Variants in POU1F1 observed in about 807,000 individuals in gnomAD.
POU1F1 encodes pituitary-specific positive transcription factor 1.
POU1F1 carries 23 observed loss-of-function variants against 32.3 expected under a neutral mutation model. The observed-to-expected ratio is 0.71, with a 90% CI of 0.51 to 1.01. POU1F1 has a LOEUF of 1.01. Ranked by LOEUF, POU1F1 falls within the 50% of genes least tolerant of loss-of-function variation. The pLI is 0.00. For missense variants in POU1F1, 323 were observed against 341.6 expected (o/e 0.95, Z 0.43); for synonymous variants, 120 against 115.6 (o/e 1.04, Z -0.25).
At chr3:87,269,220 G>A (rs543066498) in intron 2 of POU1F1, among the ~76,000 whole-genome samples, 20 of 152,228 alleles carry the variant, frequency 1.3e-4, no homozygotes, top group African/African-American at 4.8e-4. Context: ...TACAACTGGG[G>A]CCTATTGCCT....
At chr3:87,266,341 A>G (rs1451190976) in intron 2 of POU1F1, among the ~76,000 whole-genome samples, 1 of 147,104 alleles carries the variant, frequency 6.8e-6, no homozygotes, top group African/African-American at 2.5e-5. Flanking sequence ...ATAAATATAT[A>G]ATTATAAATG....
Position 87,262,112 on chromosome 3 carries a change from G to A in POU1F1, c.563C>T (p.Ala188Val). 1 of 1,614,030 alleles carries A rather than the reference G, an allele frequency of 6.2e-7. No individual in the cohort carries two copies. The highest frequency in any genetic ancestry group is 8.5e-7 in the Non-Finnish European group (1 of 1,179,972). ...LSFKNACKLK[A>V]ILSKWLEEAE... ...TTCCTCCAGCCATTTGGATAATATTGCTTTCAGTTTGCATGCATTTTTAAA... is the reference window on the plus strand; with the variant it reads ...TTCCTCCAGCCATTTGGATAATATTACTTTCAGTTTGCATGCATTTTTAAA... The change falls in exon 4 of 6, where the codon GCA (alanine) becomes GTA (valine). Residue 188 changes from alanine (A) to valine (V), a missense_variant. By Grantham distance (64) the Ala-to-Val change is moderately conservative. Transcript: ENST00000350375.
chr3:87,266,386 AAAATATGTAATTAT>A (rs1308356065), intron 2 of POU1F1, among the ~76,000 whole-genome samples: 3 of 147,662 alleles, frequency 2.0e-5, no homozygotes, highest in Admixed American at 1.4e-4. Context: ...AATTTATATA[AAAATATGTAATTAT>A]AAATATGTAA....
rs376889886 is a variant in POU1F1, at chr3:87,260,109, C to CG, written c.666-6dup. ...AGAGCATCTTTAGCAGCAATGCTGGCGGGGGGTGGACATAGGGGGTGAAAT... is the reference window on the plus strand; with the variant it reads ...AGAGCATCTTTAGCAGCAATGCTGGCGGGGGGGTGGACATAGGGGGTGAAAT... On this transcript the variant is annotated splice_region_variant and splice_polypyrimidine_tract_variant and intron_variant, in intron 5 of 5. Transcript: ENST00000350375. 1.1e-5 allele frequency: 17 copies of CG among 1,609,860 alleles called. No individual in the cohort carries two copies. Among genetic ancestry groups the CG allele is most frequent in the Admixed American group, 1.0e-4 (6 of 59,570 alleles).
chr3:87,264,474 T>C lies in POU1F1; in HGVS notation c.253A>G (p.Thr85Ala). 6.2e-7 allele frequency: 1 copy of C among 1,612,622 alleles called. No individual in the cohort carries two copies. The highest frequency in any genetic ancestry group is 8.5e-7 in the Non-Finnish European group (1 of 1,178,796). The change falls in exon 3 of 6, where the codon ACC (threonine) becomes GCC (alanine). Residue 85 changes from threonine (T) to alanine (A), a missense_variant. By Grantham distance (58) the Thr-to-Ala change is moderately conservative. Coordinates refer to ENST00000350375, the MANE Select transcript of POU1F1 (RefSeq NM_000306.4). ...ATAGGAGGAAATCCATGACTCAAGG[T>C]GTGGTCAGGAAATTTATAAAGACAA... ...TPCLYKFPDHTLSHGFPPIHQ... is the reference protein window; with the variant it reads ...TPCLYKFPDHALSHGFPPIHQ...
intron 4 of POU1F1, 85 bp from the exon 5 acceptor site, chr3:87,261,418 C>A (rs1706513264): frequency 9.3e-7 from 1 of 1,070,844 alleles, no homozygotes; most frequent in Non-Finnish European, 1.4e-6. Flanking sequence ...AAATTTTCTT[C>A]ATAAAACAAT....
intron 2 of POU1F1, among the ~76,000 whole-genome samples, chr3:87,270,929 C>T (rs760198564): frequency 6.6e-6 from 1 of 152,044 alleles, no homozygotes; most frequent in Non-Finnish European, 1.5e-5. Context: ...GACATTCTGA[C>T]ATTTAAAGCA....
Position 87,260,114 on chromosome 3 carries a change from G to A in POU1F1, c.666-10C>T, listed in dbSNP as rs1374670362. ...ATCTTTAGCAGCAATGCTGGCGGGG[G>A]GTGGACATAGGGGGTGAAATTTTGT... On this transcript the variant is annotated splice_polypyrimidine_tract_variant and intron_variant, in intron 5 of 5. Transcript: ENST00000350375. The A allele has an allele frequency of 6.2e-7, 1 of 1,609,420 alleles. No homozygotes were observed. Among genetic ancestry groups the A allele is most frequent in the Admixed American group, 1.7e-5 (1 of 59,394 alleles).
At chr3:87,271,876 G>T (rs1022894892) in intron 2 of POU1F1, among the ~76,000 whole-genome samples, 10 of 152,048 alleles carry the variant, frequency 6.6e-5, no homozygotes, top group African/African-American at 2.4e-4. Context: ...TAAATGTTAG[G>T]ATACTGGTTT....
chr3:87,276,171 A>T, intron 1 of POU1F1, 150 bp downstream of exon 1: 1 of 953,770 alleles, frequency 1.0e-6, no homozygotes, highest in Non-Finnish European at 1.6e-6. Flanking sequence ...TTGGCTTTTT[A>T]GATATGCTTA....
At chr3:87,274,270 T>C (rs1706785889) in intron 1 of POU1F1, among the ~76,000 whole-genome samples, 1 of 152,170 alleles carries the variant, frequency 6.6e-6, no homozygotes, top group African/African-American at 2.4e-5. Context: ...ATTAGACTTT[T>C]ATCAAGTTTT....
At chr3:87,272,296 C>A (rs533353970) in intron 2 of POU1F1, among the ~76,000 whole-genome samples, 4 of 152,042 alleles carry the variant, frequency 2.6e-5, no homozygotes, top group African/African-American at 9.6e-5. Context: ...CAAAGAATTT[C>A]TTTTCTTTTC....
rs542678664 is a variant in POU1F1 at position 87,264,463 on chromosome 3, A to G, written c.264T>C (p.His88=). The G allele has an allele frequency of 8.1e-6, 13 of 1,613,508 alleles. No individual in the cohort carries two copies. In the South Asian group the frequency reaches 8.8e-5, roughly 11 times the overall value. The change falls in exon 3 of 6, where the codon CAT becomes CAC. Residue 88 remains histidine (H), a synonymous_variant. Coordinates refer to ENST00000350375, the MANE Select transcript of POU1F1 (RefSeq NM_000306.4). ...GAGGCTGGTGTATAGGAGGAAATCC[A>G]TGACTCAAGGTGTGGTCAGGAAATT... The part of the protein sequence containing the change: ...LYKFPDHTLS[H]GFPPIHQPLL...
chr3:87,276,434 T>C lies in POU1F1; in HGVS notation c.29A>G (p.Asp10Gly), dbSNP rs2106944181. The C allele has an allele frequency of 6.2e-7, 1 of 1,613,904 alleles. No homozygotes were observed. Among genetic ancestry groups the C allele is most frequent in the Non-Finnish European group, 8.5e-7 (1 of 1,179,912 alleles). ...GTCAGAATTCAGAGGTATAAAGGTA[T>C]CAGCCGAAGTAAAAGCTTGGCAACT... MSCQAFTSA[D>G]TFIPLNSDAS... The change falls in exon 1 of 6, where the codon GAT (aspartate) becomes GGT (glycine). Residue 10 changes from aspartate to glycine, a missense_variant. Coordinates refer to ENST00000350375, the MANE Select transcript of POU1F1 (RefSeq NM_000306.4).
intron 2 of POU1F1, among the ~76,000 whole-genome samples, chr3:87,265,223 A>G (rs1575978408): frequency 1.3e-5 from 2 of 152,100 alleles, no homozygotes; most frequent in Non-Finnish European, 1.5e-5. Context: ...CTTGAAAAAT[A>G]TACAATATAA....
intron 2 of POU1F1, among the ~76,000 whole-genome samples, chr3:87,270,707 A>T (rs1706707150): frequency 1.3e-5 from 2 of 152,012 alleles, no homozygotes. Context: ...ATGACTTAAG[A>T]CTTCTCAGAA....
At chr3:87,272,855 G>C (rs942539630) in intron 2 of POU1F1, among the ~76,000 whole-genome samples, 1 of 152,236 alleles carries the variant, frequency 6.6e-6, no homozygotes, top group East Asian at 1.9e-4. Context: ...TAATGATGAG[G>C]GGGGGTGTTC....
intron 2 of POU1F1, among the ~76,000 whole-genome samples, chr3:87,272,562 G>T (rs890481695): frequency 2.0e-5 from 3 of 152,122 alleles, no homozygotes; most frequent in African/African-American, 7.2e-5. Flanking sequence ...TTGATGAATA[G>T]ATCTCATAAG....
intron 1 of POU1F1, among the ~76,000 whole-genome samples, chr3:87,275,471 T>A (rs1162864593): frequency 6.6e-6 from 1 of 151,954 alleles, no homozygotes; most frequent in Admixed American, 6.6e-5. Flanking sequence ...ATGAGAAAAA[T>A]TGCATTTAAA....
Sources: gnomAD v4.1 joint callset for allele counts (sites outside exome capture counted in the v4.1 genomes callset) on GRCh38, gnomAD v4.1.1 for gene constraint, MANE v1.5 for transcripts, NCBI Gene and HGNC (gene_info 2026-07-23, HGNC 2026-07-21) for gene names.